TOX: variants seen among roughly 807,000 people sequenced by gnomAD.
TOX encodes thymocyte selection associated high mobility group box.
In TOX, 11 loss-of-function variants were observed where a neutral mutation model predicts 53.7. The observed-to-expected ratio is 0.20, with a 90% CI of 0.13 to 0.34. The LOEUF (loss-of-function observed/expected upper bound fraction) is 0.34, where lower values mean the gene tolerates loss of function less well. Ranked by LOEUF, TOX falls within the 10% of genes least tolerant of loss-of-function variation. The probability of loss-of-function intolerance (pLI) is 1.00; values close to 1 mark genes in which losing one functional copy is unlikely to be tolerated. For synonymous variants in TOX, 225 were observed against 245.3 expected, an observed-to-expected ratio of 0.92 and a Z score of 0.77; for missense variants, 570 against 664.6, an observed-to-expected ratio of 0.86 and a Z score of 1.56.
intron 1 of TOX, among the ~76,000 whole-genome samples, chr8:59,064,935 A>C (rs2129422193): frequency 6.6e-6 from 1 of 152,308 alleles, no homozygotes; most frequent in African/African-American, 2.4e-5. Context: ...AGGTTTCTAA[A>C]AGGGGCCCAC....
chr8:59,034,346 G>T (rs568776339), intron 1 of TOX, among the ~76,000 whole-genome samples: 26 of 152,328 alleles, frequency 1.7e-4, no homozygotes, highest in Non-Finnish European at 2.5e-4. Flanking sequence ...CAGCGCTGAC[G>T]CAAGAGCGAG....
intron 1 of TOX, among the ~76,000 whole-genome samples, chr8:59,035,450 C>T (rs999751564): frequency 1.3e-5 from 2 of 152,196 alleles, no homozygotes; most frequent in Non-Finnish European, 2.9e-5. Context: ...TCACAGCTCA[C>T]TGCAGCCTCC....
intron 3 of TOX, among the ~76,000 whole-genome samples, chr8:58,866,616 C>A (rs1198881190): frequency 6.6e-6 from 1 of 152,158 alleles, no homozygotes; most frequent in Non-Finnish European, 1.5e-5. Flanking sequence ...TGTTAATTGG[C>A]AGAATGGCCA....
In TOX at chr8:58,954,639, T is replaced by G. The variant is rs1019003856; in HGVS notation, c.168+5304A>C. ...ATGAGGAAAAGGAAATGAGAGAAGG[T>G]AAGATGAGTTCATGAGAAACTGTGA... On this transcript the variant is annotated intron_variant, in intron 2 of 8. Transcript: ENST00000361421. 2.0e-5 allele frequency among the ~76,000 whole-genome samples: 3 copies of G among 151,988 alleles called. No homozygotes were observed. The East Asian group carries it at 5.8e-4, about 29-fold the overall frequency.
At chr8:59,055,409 C>T (rs1488443135) in intron 1 of TOX, among the ~76,000 whole-genome samples, 1 of 152,176 alleles carries the variant, frequency 6.6e-6, no homozygotes. Flanking sequence ...GCTGTCCCTT[C>T]TGTTTGGCCT....
At chr8:58,855,573 C>A (rs936277817) in intron 3 of TOX, among the ~76,000 whole-genome samples, 3 of 152,126 alleles carry the variant, frequency 2.0e-5, no homozygotes, top group Non-Finnish European at 4.4e-5. Context: ...TTCATCTATC[C>A]AGGCCTTAAT....
At chr8:58,996,946 T>C (rs79721537) in intron 1 of TOX, among the ~76,000 whole-genome samples, 1,823 of 152,244 alleles carry the variant, frequency 0.012, 15 homozygotes, top group Middle Eastern at 0.061. Flanking sequence ...CCTCTAGAGG[T>C]TTGTTTCAGA....
intron 1 of TOX, among the ~76,000 whole-genome samples, chr8:58,977,829 A>T (rs1167327130): frequency 1.3e-5 from 2 of 152,222 alleles, no homozygotes; most frequent in African/African-American, 2.4e-5. Context: ...ATGACACCCC[A>T]AAACAATTAC....
chr8:59,098,921 G>A lies in TOX; in HGVS notation c.102+19965C>T, dbSNP rs78234136. ...CTTTAGCCAAAAATGGTTCCGATGT[G>A]AATTAAAAAGAGTGAAGTTTTCTGC... On this transcript the variant is annotated intron_variant, in intron 1 of 8. Transcript: ENST00000361421. Among the ~76,000 whole-genome samples the A allele has an allele frequency of 9.2e-4, 140 of 152,266 alleles. 1 individual carries two copies. Among genetic ancestry groups the A allele is most frequent in the East Asian group, 5.6e-3 (29 of 5,188 alleles).
intron 3 of TOX, among the ~76,000 whole-genome samples, chr8:58,868,175 AG>A (rs1811134647): frequency 6.6e-6 from 1 of 152,098 alleles, no homozygotes; most frequent in Admixed American, 6.6e-5. Flanking sequence ...CCACCATGTA[AG>A]ACATGCAATT....
At chr8:58,859,264 A>G (rs138629325) in intron 3 of TOX, among the ~76,000 whole-genome samples, 4 of 152,192 alleles carry the variant, frequency 2.6e-5, no homozygotes, top group African/African-American at 7.2e-5. Flanking sequence ...TATGCACAGA[A>G]CTTGCTATAT....
At chr8:58,827,311 T>C (rs1363108643) in intron 5 of TOX, among the ~76,000 whole-genome samples, 2 of 152,160 alleles carry the variant, frequency 1.3e-5, no homozygotes, top group African/African-American at 4.8e-5. Context: ...TGTTCCACGC[T>C]AAATACAAAA....
intron 1 of TOX, among the ~76,000 whole-genome samples, chr8:58,970,300 G>A (rs1328670679): frequency 6.6e-6 from 1 of 152,094 alleles, no homozygotes; most frequent in Non-Finnish European, 1.5e-5. Context: ...CTTGCTTAGT[G>A]ATTTTCATAT....
At chr8:58,830,458 C>T (rs1408386699) in intron 5 of TOX, among the ~76,000 whole-genome samples, 1 of 152,116 alleles carries the variant, frequency 6.6e-6, no homozygotes, top group Non-Finnish European at 1.5e-5. Flanking sequence ...GCTCTAAATA[C>T]CAGCATATAC....
At chr8:58,831,594 G>A (rs957251760) in intron 5 of TOX, among the ~76,000 whole-genome samples, 14 of 152,120 alleles carry the variant, frequency 9.2e-5, no homozygotes, top group Non-Finnish European at 1.6e-4. Context: ...AATGAGTCTG[G>A]TGTCAAATGT....
intron 1 of TOX, among the ~76,000 whole-genome samples, chr8:59,000,658 C>A (rs1470254341): frequency 6.6e-6 from 1 of 152,128 alleles, no homozygotes; most frequent in Non-Finnish European, 1.5e-5. Flanking sequence ...AGGTAACTTG[C>A]TCCAGGTCAG....
rs1809973372 is a variant in TOX, at chr8:58,806,285, C to CT, written c.*1461dup. On this transcript the variant is annotated 3_prime_UTR_variant, in exon 9 of 9. Coordinates refer to ENST00000361421, the MANE Select transcript of TOX (RefSeq NM_014729.3). ...TTGGATGGCTTTCCCTTTTCTTTTG[C>CT]TATCTGGTTACTCACCTTTCATTTT... is the stretch of plus-strand genomic sequence containing the variant. 1 of 152,226 alleles carries CT rather than the reference C, an allele frequency of 6.6e-6. No homozygotes were observed. The highest frequency in any genetic ancestry group is 2.4e-5 in the African/African-American group (1 of 41,452). 9.4% of individuals were successfully genotyped at this position (152,226 alleles called of 1,614,324 possible).
intron 1 of TOX, among the ~76,000 whole-genome samples, chr8:58,984,912 A>G (rs1480601572): frequency 6.6e-6 from 1 of 151,662 alleles, no homozygotes; most frequent in African/African-American, 2.4e-5. Flanking sequence ...ACACGATGGC[A>G]GTTTCTCAAA....
intron 6 of TOX, among the ~76,000 whole-genome samples, chr8:58,821,082 C>A (rs1351579635): frequency 1.3e-5 from 2 of 152,100 alleles, no homozygotes; most frequent in Non-Finnish European, 1.5e-5. Flanking sequence ...GACCTCTTTG[C>A]AGGGTTCATA....
Sources: allele counts gnomAD v4.1 joint callset (sites outside exome capture counted in the v4.1 genomes callset), GRCh38; gene constraint gnomAD v4.1.1; transcripts MANE v1.5; gene names NCBI Gene and HGNC (gene_info 2026-07-23, HGNC 2026-07-21).